Variants in NDRG4 observed in about 807,000 individuals in gnomAD.
The protein encoded by NDRG4 is protein NDRG4.
NDRG4 carries 38 observed loss-of-function variants against 55.8 expected under a neutral mutation model. That is an observed-to-expected ratio of 0.68 (90% CI 0.53 to 0.89). NDRG4 has a LOEUF of 0.89. Ranked by LOEUF, NDRG4 falls within the 40% of genes least tolerant of loss-of-function variation. The pLI, the probability that NDRG4 is intolerant of heterozygous loss-of-function variation, is 0.00. For missense variants in NDRG4, 455 were observed against 468.6 expected, an observed-to-expected ratio of 0.97 and a Z score of 0.27; for synonymous variants, 190 against 182.7, an observed-to-expected ratio of 1.04 and a Z score of -0.32.
intron 7 of NDRG4, 24 bp downstream of exon 7, chr16:58,506,638 T>C (rs918316202): frequency 1.3e-6 from 2 of 1,544,946 alleles, no homozygotes; most frequent in African/African-American, 1.4e-5. Flanking sequence ...CTTCTGCAGA[T>C]CTGGGGTGAT....
intron 2 of NDRG4, among the ~76,000 whole-genome samples, chr16:58,493,668 T>G (rs534735092): frequency 2.5e-4 from 38 of 152,330 alleles, no homozygotes; most frequent in African/African-American, 8.7e-4. Flanking sequence ...TCTCCTCTAA[T>G]CCTCACAACA....
intron 2 of NDRG4, chr16:58,494,847 A>T: frequency 1.3e-6 from 1 of 743,726 alleles, no homozygotes; most frequent in Non-Finnish European, 2.1e-6. Flanking sequence ...AAAAAAAAAA[A>T]GAAAAGAAAA....
intron 1 of NDRG4, among the ~76,000 whole-genome samples, chr16:58,503,102 TC>T: frequency 6.6e-6 from 1 of 152,184 alleles, no homozygotes; most frequent in East Asian, 1.9e-4. Flanking sequence ...AACCAGGTCT[TC>T]CTGAGGAAGT....
intron 2 of NDRG4, among the ~76,000 whole-genome samples, chr16:58,489,383 T>C (rs2035507450): frequency 1.3e-5 from 2 of 151,980 alleles, no homozygotes; most frequent in South Asian, 4.1e-4. Flanking sequence ...CTCCCCCGCC[T>C]GTTCCCAGCT....
intron 5 of NDRG4, among the ~76,000 whole-genome samples, chr16:58,505,708 ATTTTCTTTTTTTTT>A (rs1405717060): frequency 1.4e-5 from 1 of 70,632 alleles, no homozygotes; most frequent in East Asian, 4.3e-4. Flanking sequence ...TGAGGGCTTC[ATTTTCTTTTTTTTT>A]TTTTTTTTTT....
At chr16:58,511,263 C>T in intron 14 of NDRG4, 159 bp from the exon 15 acceptor site, 3 of 816,542 alleles carry the variant, frequency 3.7e-6, no homozygotes, top group Middle Eastern at 7.7e-4. Context: ...CCCTGCATGC[C>T]CCCAGCCCGA....
intron 1 of NDRG4, among the ~76,000 whole-genome samples, chr16:58,466,389 C>T (rs1477319423): frequency 1.3e-5 from 2 of 152,218 alleles, no homozygotes; most frequent in Admixed American, 1.3e-4. Context: ...TCTTCCTGCC[C>T]CCAAAGGGCC....
rs1809106335 is a variant in NDRG4, at chr16:58,513,104, C to T, written c.*1528C>T. 1 of 152,536 alleles carries T rather than the reference C, an allele frequency of 6.6e-6. No homozygotes were observed. The highest frequency in any genetic ancestry group is 2.4e-5 in the African/African-American group (1 of 41,376). 9.4% of individuals were successfully genotyped at this position (152,536 alleles called of 1,614,324 possible). On this transcript the variant is annotated 3_prime_UTR_variant, in exon 15 of 15. Transcript: ENST00000570248. The stretch of plus-strand genomic sequence containing the variant: ...TTCATCCCTCTTACTGTAGATAACA[C>T]TGCAAATCTTGGAATTTTGTTTTTT...
At chr16:58,477,787 G>T (rs1356688782) in intron 1 of NDRG4, among the ~76,000 whole-genome samples, 1 of 151,138 alleles carries the variant, frequency 6.6e-6, no homozygotes, top group African/African-American at 2.4e-5. Context: ...GGTGGAGGGG[G>T]TGGGGAAGTA....
chr16:58,498,105 C>T (rs1276490238), upstream of NDRG4, among the ~76,000 whole-genome samples: 1 of 151,906 alleles, frequency 6.6e-6, no homozygotes, highest in East Asian at 1.9e-4. Flanking sequence ...TCACCTGGGT[C>T]CAAAGGTGGG....
At chr16:58,490,914 T>C (rs1484294024) in intron 2 of NDRG4, among the ~76,000 whole-genome samples, 1 of 150,962 alleles carries the variant, frequency 6.6e-6, no homozygotes, top group Non-Finnish European at 1.5e-5. Context: ...GAGGTGGAGG[T>C]TGCAGTGAGC....
At chr16:58,510,298 C>G (rs2038633611) in intron 13 of NDRG4, among the ~76,000 whole-genome samples, 1 of 152,236 alleles carries the variant, frequency 6.6e-6, no homozygotes, top group Non-Finnish European at 1.5e-5. Context: ...TTCTCAGGGT[C>G]CTGGGGAGAA....
chr16:58,500,367 G>A, intron 1 of NDRG4, 98 bp downstream of exon 1: 2 of 1,457,930 alleles, frequency 1.4e-6, no homozygotes, highest in Non-Finnish European at 1.8e-6. Flanking sequence ...CCCACATCTG[G>A]TGGCAGCCCG....
At chr16:58,500,992 G>A in intron 1 of NDRG4, 1 of 1,246,004 alleles carries the variant, frequency 8.0e-7, no homozygotes, top group Non-Finnish European at 1.0e-6. Flanking sequence ...TTGTAGGTGG[G>A]GGAAGGCAAC....
intron 1 of NDRG4, among the ~76,000 whole-genome samples, chr16:58,478,112 C>T (rs548545206): frequency 2.0e-5 from 3 of 152,216 alleles, no homozygotes; most frequent in Non-Finnish European, 2.9e-5. Flanking sequence ...CAAGGTTGGC[C>T]GGGTGTGGTG....
At chr16:58,511,299 G>A in intron 14 of NDRG4, 123 bp from the exon 15 acceptor site, 1 of 1,147,444 alleles carries the variant, frequency 8.7e-7, no homozygotes, top group East Asian at 2.4e-5. Flanking sequence ...TCCTGACTCA[G>A]GAGGAGCCCT....
intron 1 of NDRG4, chr16:58,487,667 G>T: frequency 1.9e-6 from 2 of 1,079,930 alleles, no homozygotes; most frequent in Non-Finnish European, 2.6e-6. Context: ...TCTGGTTTCC[G>T]CGCTCCCGCC....
chr16:58,483,076 G>A (rs770096684), intron 1 of NDRG4, among the ~76,000 whole-genome samples: 1 of 152,016 alleles, frequency 6.6e-6, no homozygotes, highest in Non-Finnish European at 1.5e-5. Flanking sequence ...GTGAGCCACC[G>A]TGCCCAGCCC....
intron 1 of NDRG4, chr16:58,487,722 C>T (rs1421944868): frequency 2.1e-6 from 3 of 1,461,990 alleles, no homozygotes; most frequent in East Asian, 2.6e-5. Context: ...GCGTCCCCGC[C>T]GCAGCAGGCC....
Sources: gnomAD v4.1 joint callset for allele counts (sites outside exome capture counted in the v4.1 genomes callset) on GRCh38, gnomAD v4.1.1 for gene constraint, MANE v1.5 for transcripts, NCBI Gene and HGNC (gene_info 2026-07-23, HGNC 2026-07-21) for gene names.